PRRX2: variants seen among roughly 807,000 people sequenced by gnomAD.
PRRX2 encodes paired related homeobox 2, also known as paired mesoderm homeobox protein 2.
PRRX2 carries 11 observed loss-of-function variants against 18.0 expected under a neutral mutation model. The ratio of observed to expected loss-of-function variants is 0.61; its 90% CI spans 0.39 to 1.01. The LOEUF (loss-of-function observed/expected upper bound fraction) is 1.01. PRRX2 is among the 50% of genes least tolerant of loss of function. The pLI is 0.01. For synonymous variants in PRRX2, 177 were observed against 154.8 expected, an observed-to-expected ratio of 1.14 and a Z score of -1.06; for missense variants, 387 against 351.0, an observed-to-expected ratio of 1.10 and a Z score of -0.82.
At position 129,665,983 on chromosome 9, in the gene PRRX2, CGGTGAGCCACCTCCTGGACCTGGAAGA is replaced by C; in HGVS notation, c.121_147del (p.Ser41_Val49del). 1.8e-6 allele frequency: 2 copies of C among 1,138,182 alleles called. No individual in the cohort carries two copies. The highest frequency in any genetic ancestry group is 2.2e-6 in the Non-Finnish European group (2 of 921,946). The allele number at this position is 1,138,182 out of a possible 1,614,324, so 70.5% of individuals were successfully genotyped here. A position where few individuals can be genotyped will look rare whatever the true frequency, so the allele number is the denominator to read the frequency against. ...TGCGCCCAGGCGCGCAAGAACTTCT[CGGTGAGCCACCTCCTGGACCTGGAAGA>C]GGTGGCGGCGGCCGGGCGGCTGGCG... On this transcript the variant is annotated inframe_deletion, in exon 1 of 4. Transcript: ENST00000372469. This position sits in a 1 kb window ranked among gnomAD's most constrained non-coding sequence, Gnocchi z 5.3.
intron 1 of PRRX2, among the ~76,000 whole-genome samples, chr9:129,718,028 G>T (rs1191752710): frequency 5.9e-5 from 9 of 152,062 alleles, no homozygotes; most frequent in African/African-American, 1.4e-4. Context: ...AGGTGCCCTT[G>T]GATAAGGTTT....
intron 1 of PRRX2, among the ~76,000 whole-genome samples, chr9:129,666,704 C>T (rs1298969699): frequency 6.6e-6 from 1 of 152,156 alleles, no homozygotes; most frequent in Non-Finnish European, 1.5e-5. Flanking sequence ...CCCAAGTGGC[C>T]TTTTTCAAAA....
rs1291392158 is a variant in PRRX2 at position 129,671,953 on chromosome 9, G to A, written c.259+5827G>A. Reference sequence around the variant, plus strand: ...GGGACTAAAGCGGGTGGGAGGGGAGGGGCAGCACGGAACGGGCTCTGTGCC... The same window carrying A: ...GGGACTAAAGCGGGTGGGAGGGGAGAGGCAGCACGGAACGGGCTCTGTGCC... On this transcript the variant is annotated intron_variant, in intron 1 of 3. Transcript: ENST00000372469. The surrounding 1 kb of genome is among the most constrained non-coding windows in gnomAD (Gnocchi z 4.0). 6.6e-6 allele frequency among the ~76,000 whole-genome samples: 1 copy of A among 152,120 alleles called. No homozygotes were observed. The highest frequency in any genetic ancestry group is 6.5e-5 in the Admixed American group (1 of 15,284).
intron 1 of PRRX2, among the ~76,000 whole-genome samples, chr9:129,703,712 G>A (rs1009382029): frequency 6.6e-6 from 1 of 152,172 alleles, no homozygotes; most frequent in Non-Finnish European, 1.5e-5. Context: ...AGTCCTTCTC[G>A]CCTCACCACA....
chr9:129,675,667 C>T lies in PRRX2; in HGVS notation c.259+9541C>T, dbSNP rs1332099904. 6.6e-6 allele frequency among the ~76,000 whole-genome samples: 1 copy of T among 151,984 alleles called. No homozygotes were observed. The highest frequency in any genetic ancestry group is 6.5e-5 in the Admixed American group (1 of 15,268). On this transcript the variant is annotated intron_variant, in intron 1 of 3. Coordinates refer to ENST00000372469, the MANE Select transcript of PRRX2 (RefSeq NM_016307.4). This position sits in a 1 kb window ranked among gnomAD's most constrained non-coding sequence, Gnocchi z 4.4. ...CTGCCGGTCTCCCCCTCGCTGGCCT[C>T]CCTTCTTGCCGTGGGCGCAGACGTT...
At chr9:129,674,606 A>G (rs1029388671) in intron 1 of PRRX2, among the ~76,000 whole-genome samples, 2 of 151,274 alleles carry the variant, frequency 1.3e-5, no homozygotes, top group African/African-American at 4.9e-5. Context: ...CCACAGAGGG[A>G]CCCCCCCGCC....
rs764916399 is a variant in PRRX2, at chr9:129,719,328, G to A, written c.357G>A (p.Leu119=). Residue 119 remains leucine (L), a synonymous_variant, in exon 2 of 4, where the codon CTG becomes CTA. Transcript: ENST00000372469. ...TCAACAGCAGCCAACTGCAGGCGCT[G>A]GAGCGCGTGTTCGAGCGCACGCACT... is the stretch of plus-strand genomic sequence containing the variant. ...TTFNSSQLQA[L]ERVFERTHYP... 1 of 1,606,490 alleles carries A rather than the reference G, an allele frequency of 6.2e-7. No individual in the cohort carries two copies. The highest frequency in any genetic ancestry group is 1.1e-5 in the South Asian group (1 of 89,984).
chr9:129,686,853 T>C (rs1283114254), intron 1 of PRRX2, among the ~76,000 whole-genome samples: 1 of 152,198 alleles, frequency 6.6e-6, no homozygotes, highest in Non-Finnish European at 1.5e-5. Flanking sequence ...TCCTTATTTT[T>C]TCGGGGGAGG....
chr9:129,698,208 T>C (rs1023128640), intron 1 of PRRX2, among the ~76,000 whole-genome samples: 8 of 122,264 alleles, frequency 6.5e-5, no homozygotes, highest in Admixed American at 2.1e-4. Flanking sequence ...GCAGTGGAGC[T>C]GGGAGCTCCC....
chr9:129,680,401 A>C (rs1832211399), intron 1 of PRRX2, among the ~76,000 whole-genome samples: 2 of 90,564 alleles, frequency 2.2e-5, no homozygotes, highest in Non-Finnish European at 4.3e-5. Context: ...ACTCCGTCTC[A>C]AAAAAAAAAA....
In PRRX2 at chr9:129,683,937, A is replaced by T. The variant is rs556383465; in HGVS notation, c.259+17811A>T. On this transcript the variant is annotated intron_variant, in intron 1 of 3. Coordinates refer to ENST00000372469, the MANE Select transcript of PRRX2 (RefSeq NM_016307.4). ...CCTGTCCCTACCCTCTTCCTGTACA[A>T]GGCTATGGCTAACGGGAGCCCCTCC... Among the ~76,000 whole-genome samples, 132 of 152,238 alleles carry T rather than the reference A, an allele frequency of 8.7e-4. 1 individual carries two copies. In the Middle Eastern group the frequency reaches 0.017, roughly 20 times the overall value.
At position 129,709,409 on chromosome 9, in the gene PRRX2, C is replaced by A. The variant is rs1454452022; in HGVS notation, c.260-9822C>A. ...ACCTCCTCCAGCCTCCTCCAAACTC[C>A]AGGGTCATCCTGAGCCTGCGGAGGC... On this transcript the variant is annotated intron_variant, in intron 1 of 3. Coordinates refer to ENST00000372469, the MANE Select transcript of PRRX2 (RefSeq NM_016307.4). The surrounding 1 kb of genome is among the most constrained non-coding windows in gnomAD (Gnocchi z 4.2). 1.3e-5 allele frequency among the ~76,000 whole-genome samples: 2 copies of A among 152,156 alleles called. No individual in the cohort carries two copies. Among genetic ancestry groups the A allele is most frequent in the African/African-American group, 4.8e-5 (2 of 41,430 alleles).
At chr9:129,668,795 A>G (rs970310063) in intron 1 of PRRX2, among the ~76,000 whole-genome samples, 240 of 150,488 alleles carry the variant, frequency 1.6e-3, no homozygotes, top group Middle Eastern at 6.9e-3. Flanking sequence ...AAAAAAAAAA[A>G]AAAGAAAGAA....
At position 129,675,668 on chromosome 9, in the gene PRRX2, C is replaced by T. The variant is rs1292104244; in HGVS notation, c.259+9542C>T. On this transcript the variant is annotated intron_variant, in intron 1 of 3. Coordinates refer to ENST00000372469, the MANE Select transcript of PRRX2 (RefSeq NM_016307.4). This position sits in a 1 kb window ranked among gnomAD's most constrained non-coding sequence, Gnocchi z 4.4. Reference sequence around the variant, plus strand: ...TGCCGGTCTCCCCCTCGCTGGCCTCCCTTCTTGCCGTGGGCGCAGACGTTT... The same window carrying T: ...TGCCGGTCTCCCCCTCGCTGGCCTCTCTTCTTGCCGTGGGCGCAGACGTTT... Among the ~76,000 whole-genome samples the T allele has an allele frequency of 6.6e-6, 1 of 152,044 alleles. No homozygotes were observed. The highest frequency in any genetic ancestry group is 2.4e-5 in the African/African-American group (1 of 41,386).
At chr9:129,688,128 T>A (rs1157765932) in intron 1 of PRRX2, among the ~76,000 whole-genome samples, 1 of 152,040 alleles carries the variant, frequency 6.6e-6, no homozygotes, top group East Asian at 1.9e-4. Context: ...AGTGGTGCTA[T>A]CTTGGCTCAC....
At chr9:129,679,331 C>T (rs1832199895) in intron 1 of PRRX2, among the ~76,000 whole-genome samples, 1 of 152,152 alleles carries the variant, frequency 6.6e-6, no homozygotes, top group Non-Finnish European at 1.5e-5. Context: ...AACAGTTGAG[C>T]TGGGTGACGG....
At chr9:129,672,721 T>TGG (rs1472554161) in intron 1 of PRRX2, among the ~76,000 whole-genome samples, 2 of 152,010 alleles carry the variant, frequency 1.3e-5, no homozygotes, top group Non-Finnish European at 2.9e-5. Flanking sequence ...CATGGGAGTG[T>TGG]GGGGGTGATG....
At chr9:129,707,463 G>A (rs895651960) in intron 1 of PRRX2, among the ~76,000 whole-genome samples, 9 of 151,936 alleles carry the variant, frequency 5.9e-5, no homozygotes, top group Non-Finnish European at 1.3e-4. Flanking sequence ...AGGACATGTG[G>A]GTTGCTTTCA....
At chr9:129,699,489 A>G (rs1036964789) in intron 1 of PRRX2, among the ~76,000 whole-genome samples, 1 of 151,678 alleles carries the variant, frequency 6.6e-6, no homozygotes. Context: ...ATATCCATCA[A>G]TATATTAGTT....
Sources: allele counts gnomAD v4.1 joint callset (sites outside exome capture counted in the v4.1 genomes callset), GRCh38; gene constraint gnomAD v4.1.1; non-coding constraint Gnocchi (gnomAD v3.1); transcripts MANE v1.5; gene names NCBI Gene and HGNC (gene_info 2026-07-23, HGNC 2026-07-21).